Variants in MCC observed in about 807,000 individuals in gnomAD.
MCC encodes the protein MCC regulator of Wnt signaling pathway, also known as colorectal mutant cancer protein.
In MCC, 90 loss-of-function variants were observed where a neutral mutation model predicts 116.2. The ratio of observed to expected loss-of-function variants is 0.77; its 90% CI spans 0.65 to 0.92. MCC has a LOEUF of 0.92. Among genes scored for constraint, MCC ranks in the 40% least tolerant of loss-of-function variants. The probability of loss-of-function intolerance (pLI) is 0.00; values close to 1 mark genes in which losing one functional copy is unlikely to be tolerated. For missense variants in MCC, 1,516 were observed against 1,312.2 expected, an observed-to-expected ratio of 1.16 and a Z score of -2.40; for synonymous variants, 578 against 510.5, an observed-to-expected ratio of 1.13 and a Z score of -1.78.
intron 6 of MCC, among the ~76,000 whole-genome samples, chr5:113,109,158 T>C (rs572560379): frequency 3.3e-5 from 5 of 152,152 alleles, no homozygotes; most frequent in Non-Finnish European, 7.3e-5. Context: ...CTGGATCATA[T>C]GGTAATTCTA....
intron 8 of MCC, among the ~76,000 whole-genome samples, chr5:113,100,564 C>T (rs112334046): frequency 0.022 from 3,309 of 151,308 alleles, 107 homozygotes; most frequent in African/African-American, 0.073. Flanking sequence ...CCCCGCCTCC[C>T]GGGTTCAAGC....
chr5:113,024,611 G>A lies in MCC; in HGVS notation c.*2691C>T, dbSNP rs1471918130. The A allele has an allele frequency of 2.0e-5, 3 of 152,178 alleles. No homozygotes were observed. Among genetic ancestry groups the A allele is most frequent in the African/African-American group, 7.2e-5 (3 of 41,434 alleles). The allele number at this position is 152,178 out of a possible 1,614,324, so 9.4% of individuals were successfully genotyped here. On this transcript the variant is annotated 3_prime_UTR_variant, in exon 19 of 19. Coordinates refer to ENST00000408903, the MANE Select transcript of MCC (RefSeq NM_001085377.2). Reference sequence around the variant, plus strand: ...AACAATTCAAAATACGAAATCTGAAGGTTTTTAACCTCATATAAATTAGAA... The same window carrying A: ...AACAATTCAAAATACGAAATCTGAAAGTTTTTAACCTCATATAAATTAGAA...
At chr5:113,433,634 G>T in intron 1 of MCC, 1 of 1,354,090 alleles carries the variant, frequency 7.4e-7, no homozygotes, top group Non-Finnish European at 1.0e-6. Flanking sequence ...GAAAATAGAG[G>T]CTCATCTGGG....
At chr5:113,283,829 G>C (rs1441127919) in intron 3 of MCC, among the ~76,000 whole-genome samples, 2 of 152,172 alleles carry the variant, frequency 1.3e-5, no homozygotes, top group Non-Finnish European at 2.9e-5. Context: ...AACTGCTAAT[G>C]TTTGATCCAC....
chr5:113,440,875 A>G (rs1219998106), intron 1 of MCC, among the ~76,000 whole-genome samples: 2 of 152,190 alleles, frequency 1.3e-5, no homozygotes, highest in Non-Finnish European at 2.9e-5. Context: ...GATCCACCTG[A>G]CTTTTTATAT....
rs10649958 is a variant in MCC, at chr5:113,100,464, C to CTTTTTTT, written c.1398+1268_1398+1274dup. ...TGAGACCCACTAGATGTATTTTTCC[C>CTTTTTTT]TTTTTTTTTTTTTTTTTTTTTTTTG... On this transcript the variant is annotated intron_variant, in intron 8 of 18. Transcript: ENST00000408903. Among the ~76,000 whole-genome samples the CTTTTTTT allele has an allele frequency of 8.0e-4, 63 of 78,836 alleles. 3 individuals carry two copies. The highest frequency in any genetic ancestry group is 2.5e-3 in the African/African-American group (53 of 21,614). 51.7% of individuals were successfully genotyped at this position (78,836 alleles called of 152,430 possible). A position where few individuals can be genotyped will look rare whatever the true frequency, so the allele number is the denominator to read the frequency against.
intron 3 of MCC, among the ~76,000 whole-genome samples, chr5:113,239,656 T>C (rs1408330565): frequency 2.6e-5 from 4 of 152,226 alleles, no homozygotes; most frequent in Admixed American, 2.6e-4. Flanking sequence ...TTCAAAGTGC[T>C]GCCCATTTGT....
chr5:113,242,007 C>A (rs1764387164), intron 3 of MCC, among the ~76,000 whole-genome samples: 1 of 152,198 alleles, frequency 6.6e-6, no homozygotes, highest in Non-Finnish European at 1.5e-5. Flanking sequence ...ACGACCAAAT[C>A]AAACAACAGT....
chr5:113,248,885 C>T (rs521929), intron 3 of MCC, among the ~76,000 whole-genome samples: 80,062 of 149,346 alleles, frequency 0.54, 25,212 homozygotes, highest in African/African-American at 0.88. Context: ...TAGAGTGCAG[C>T]GGCATGATCT....
At chr5:113,395,176 C>T (rs1769493526) in intron 1 of MCC, among the ~76,000 whole-genome samples, 1 of 152,084 alleles carries the variant, frequency 6.6e-6, no homozygotes, top group African/African-American at 2.4e-5. Context: ...TAATGTTAGA[C>T]TTGAGGTAAA....
intron 3 of MCC, among the ~76,000 whole-genome samples, chr5:113,279,843 A>C (rs1311077803): frequency 6.6e-6 from 1 of 152,252 alleles, no homozygotes; most frequent in Non-Finnish European, 1.5e-5. Flanking sequence ...TATTAAAGGC[A>C]ATATGTTTTA....
intron 3 of MCC, among the ~76,000 whole-genome samples, chr5:113,305,184 A>T (rs536127176): frequency 2.7e-4 from 41 of 152,152 alleles, no homozygotes; most frequent in Admixed American, 7.9e-4. Context: ...TATGGTAGGG[A>T]TTTCCTACAG....
chr5:113,157,358 G>A (rs140158711), intron 3 of MCC, among the ~76,000 whole-genome samples: 171 of 152,342 alleles, frequency 1.1e-3, no homozygotes, highest in Admixed American at 6.7e-3. Flanking sequence ...AAAGGAATAC[G>A]ATTTGAATAA....
At chr5:113,106,056 A>C (rs762939022) in intron 6 of MCC, among the ~76,000 whole-genome samples, 19 of 152,212 alleles carry the variant, frequency 1.2e-4, no homozygotes, top group Non-Finnish European at 2.5e-4. Flanking sequence ...TCTAACGTGC[A>C]GTCAGAGTGA....
At chr5:113,355,239 A>C (rs1175556803) in intron 2 of MCC, among the ~76,000 whole-genome samples, 1 of 152,232 alleles carries the variant, frequency 6.6e-6, no homozygotes, top group African/African-American at 2.4e-5. Context: ...AAAGGGCACC[A>C]ACAAGGACCT....
chr5:113,407,958 C>A (rs1384865010), intron 1 of MCC, among the ~76,000 whole-genome samples: 1 of 152,084 alleles, frequency 6.6e-6, no homozygotes, highest in Non-Finnish European at 1.5e-5. Context: ...CTAGTTAGTG[C>A]CAAAACTAGG....
intron 1 of MCC, among the ~76,000 whole-genome samples, chr5:113,388,810 T>C (rs1314649501): frequency 1.3e-5 from 2 of 152,190 alleles, no homozygotes; most frequent in Non-Finnish European, 2.9e-5. Context: ...TTTTACAGAT[T>C]ATGATATGAC....
chr5:113,091,652 T>A (rs1340473967), intron 8 of MCC, among the ~76,000 whole-genome samples: 4 of 152,008 alleles, frequency 2.6e-5, no homozygotes, highest in African/African-American at 9.7e-5. Flanking sequence ...GAGGCCAAGG[T>A]GGGAAGGTTG....
At position 113,071,196 on chromosome 5, in the gene MCC, G is replaced by A; in HGVS notation, c.1823C>T (p.Thr608Ile). ...GCTTTTACATTCCTCCAAGGTTATGGTCAGGAGGTCATTTTGGGATTTGAG... is the reference window on the plus strand; with the variant it reads ...GCTTTTACATTCCTCCAAGGTTATGATCAGGAGGTCATTTTGGGATTTGAG... Reference protein sequence around the residue: ...EHLKSQNDLLTITLEECKSNA... With the variant: ...EHLKSQNDLLIITLEECKSNA... Residue 608 changes from threonine to isoleucine, a missense_variant, in exon 12 of 19, where the codon ACC becomes ATC. By Grantham distance (89) the Thr-to-Ile change is moderately conservative. Transcript: ENST00000408903. 6.2e-7 allele frequency: 1 copy of A among 1,614,096 alleles called. No individual in the cohort carries two copies. Among genetic ancestry groups the A allele is most frequent in the South Asian group, 1.1e-5 (1 of 91,068 alleles).
Sources: gnomAD v4.1 joint callset for allele counts (sites outside exome capture counted in the v4.1 genomes callset) on GRCh38, gnomAD v4.1.1 for gene constraint, MANE v1.5 for transcripts, NCBI Gene and HGNC (gene_info 2026-07-23, HGNC 2026-07-21) for gene names.